The following SLC7A1 variants were observed in gnomAD, a reference collection of about 807,000 sequenced individuals.
The protein encoded by SLC7A1 is high affinity cationic amino acid transporter 1.
A neutral mutation model predicts 53.9 loss-of-function variants in SLC7A1; 10 were observed. That is an observed-to-expected ratio of 0.19 (90% CI 0.11 to 0.31). The LOEUF (loss-of-function observed/expected upper bound fraction) is 0.31, where lower values mean the gene tolerates loss of function less well. Among genes scored for constraint, SLC7A1 ranks in the 10% least tolerant of loss-of-function variants. SLC7A1 has a pLI of 1.00. For missense variants in SLC7A1, 525 were observed against 827.2 expected (o/e 0.63, Z 4.48); for synonymous variants, 342 against 338.7 (o/e 1.01, Z -0.11).
At chr13:29,530,437 T>C (rs1869094471) in intron 5 of SLC7A1, 101 bp downstream of exon 5, 2 of 1,031,066 alleles carry the variant, frequency 1.9e-6, no homozygotes, top group Non-Finnish European at 2.9e-6. Flanking sequence ...CCTCAAATAA[T>C]GTTTTCTTAA....
chr13:29,551,095 G>A (rs1870160976), intron 2 of SLC7A1, among the ~76,000 whole-genome samples: 1 of 152,132 alleles, frequency 6.6e-6, no homozygotes, highest in Admixed American at 6.5e-5. Context: ...TAAAAATTGG[G>A]TGATCTTCCT....
intron 1 of SLC7A1, among the ~76,000 whole-genome samples, chr13:29,574,514 C>G (rs617892): frequency 3.9e-5 from 6 of 152,274 alleles, no homozygotes; most frequent in African/African-American, 1.4e-4. Flanking sequence ...CTGTGGAACA[C>G]ATGAATACAT....
chr13:29,526,983 C>T (rs1300292512), intron 5 of SLC7A1, among the ~76,000 whole-genome samples: 4 of 151,900 alleles, frequency 2.6e-5, no homozygotes, highest in African/African-American at 7.3e-5. Context: ...TGCGCCGCTA[C>T]ACCTGACCTC....
At chr13:29,568,457 T>C (rs1871059449) in intron 1 of SLC7A1, among the ~76,000 whole-genome samples, 1 of 152,218 alleles carries the variant, frequency 6.6e-6, no homozygotes, top group Non-Finnish European at 1.5e-5. Context: ...CCCGCGTAGC[T>C]ACAACTATGG....
chr13:29,565,349 G>T (rs1480159330), intron 1 of SLC7A1, among the ~76,000 whole-genome samples: 1 of 152,206 alleles, frequency 6.6e-6, no homozygotes, highest in East Asian at 1.9e-4. Flanking sequence ...AGCAGAGAGA[G>T]AAAGGAGGCC....
chr13:29,553,637 G>A (rs894823734), intron 2 of SLC7A1, 124 bp downstream of exon 2: 1 of 152,230 alleles, frequency 6.6e-6, no homozygotes, highest in African/African-American at 2.4e-5. Context: ...GAAGACAACT[G>A]GGGGTTTTAG....
At chr13:29,579,958 T>C (rs1871572934) in intron 1 of SLC7A1, among the ~76,000 whole-genome samples, 1 of 152,200 alleles carries the variant, frequency 6.6e-6, no homozygotes, top group South Asian at 2.1e-4. Context: ...CTACTAGATC[T>C]GATCGTGGTT....
At chr13:29,533,798 T>A (rs1015066693) in intron 3 of SLC7A1, among the ~76,000 whole-genome samples, 2 of 152,204 alleles carry the variant, frequency 1.3e-5, no homozygotes, top group African/African-American at 4.8e-5. Flanking sequence ...GGTGTCAGAA[T>A]GTGTTTCCAT....
chr13:29,567,642 G>A (rs1037829262), intron 1 of SLC7A1, among the ~76,000 whole-genome samples: 10 of 152,152 alleles, frequency 6.6e-5, no homozygotes, highest in Non-Finnish European at 1.2e-4. Context: ...AAGCTGCTGG[G>A]TACAACTCCC....
At position 29,530,570 on chromosome 13, in the gene SLC7A1, A is replaced by C. The variant is rs1593546975; in HGVS notation, c.672T>G (p.Phe224Leu). 2 of 1,614,156 alleles carry C rather than the reference A, an allele frequency of 1.2e-6. No homozygotes were observed. Among genetic ancestry groups the C allele is most frequent in the Non-Finnish European group, 1.7e-6 (2 of 1,180,008 alleles). ...AACAGAGACGGCCTGATGTGTTCCC[A>C]AAATCCTCCTCCGTGAGCTGCCAGT... is the stretch of plus-strand genomic sequence containing the variant. ...VKNWQLTEED[F>L]GNTSGRLCLN... The change falls in exon 5 of 13, where the codon TTT becomes TTG. Residue 224 changes from phenylalanine to leucine, a missense_variant. By Grantham distance (22) the Phe-to-Leu change is conservative. Coordinates refer to ENST00000380752, the MANE Select transcript of SLC7A1 (RefSeq NM_003045.5).
intron 1 of SLC7A1, among the ~76,000 whole-genome samples, chr13:29,591,040 G>A (rs143882647): frequency 0.018 from 2,767 of 152,188 alleles, 75 homozygotes; most frequent in African/African-American, 0.064. Flanking sequence ...ATCCCAGGAG[G>A]TGGAGGCTAA....
chr13:29,573,044 C>T (rs541340437), intron 1 of SLC7A1, among the ~76,000 whole-genome samples: 6 of 152,192 alleles, frequency 3.9e-5, no homozygotes, highest in Admixed American at 2.6e-4. Context: ...ATAATCTATC[C>T]TGGAGAGAAT....
chr13:29,522,227 TCA>T, intron 8 of SLC7A1, 88 bp downstream of exon 8: 2 of 1,309,992 alleles, frequency 1.5e-6, no homozygotes. Context: ...TTAAGATTAC[TCA>T]CAGACCAGAA....
At position 29,509,644 on chromosome 13, in the gene SLC7A1, G is replaced by A. The variant is rs1016528344; in HGVS notation, c.*4836C>T. ...GACCCAGCAGAGACCAACCTGATTT[G>A]CAGTTAGCATCAGAATCTAAATCTA... On this transcript the variant is annotated 3_prime_UTR_variant, in exon 13 of 13. Coordinates refer to ENST00000380752, the MANE Select transcript of SLC7A1 (RefSeq NM_003045.5). 1 of 152,508 alleles carries A rather than the reference G, an allele frequency of 6.6e-6. No homozygotes were observed. Among genetic ancestry groups the A allele is most frequent in the Non-Finnish European group, 1.5e-5 (1 of 68,036 alleles). 9.4% of individuals were successfully genotyped at this position (152,508 alleles called of 1,614,324 possible).
intron 1 of SLC7A1, among the ~76,000 whole-genome samples, chr13:29,568,556 C>A (rs1871064452): frequency 2.0e-5 from 3 of 152,216 alleles, no homozygotes; most frequent in Admixed American, 2.0e-4. Context: ...ATGTGCATTC[C>A]CTAAAATCAC....
chr13:29,567,163 G>A (rs1016290284), intron 1 of SLC7A1, among the ~76,000 whole-genome samples: 9 of 152,120 alleles, frequency 5.9e-5, no homozygotes, highest in Admixed American at 2.0e-4. Context: ...GTTTTAATAC[G>A]CAGCTTAAAT....
At chr13:29,581,893 G>A (rs191724898) in intron 1 of SLC7A1, among the ~76,000 whole-genome samples, 5 of 152,324 alleles carry the variant, frequency 3.3e-5, no homozygotes, top group East Asian at 1.9e-4. Flanking sequence ...CTCCTTTAGC[G>A]GCAAAATACC....
intron 1 of SLC7A1, among the ~76,000 whole-genome samples, chr13:29,564,904 A>C (rs1870902583): frequency 6.6e-6 from 1 of 152,226 alleles, no homozygotes; most frequent in Non-Finnish European, 1.5e-5. Flanking sequence ...TTCCAGAAAT[A>C]CTTTCCCTCC....
chr13:29,514,422 C>A lies in SLC7A1; in HGVS notation c.*58G>T. On this transcript the variant is annotated 3_prime_UTR_variant, in exon 13 of 13. Transcript: ENST00000380752. ...CTGGTGGGGAGGGTGGGGTGCCTCC[C>A]GGTCCTCTGGGGGCGTCCCTCGGGG... The A allele has an allele frequency of 7.5e-7, 1 of 1,329,080 alleles. No individual in the cohort carries two copies. Among genetic ancestry groups the A allele is most frequent in the South Asian group, 1.2e-5 (1 of 84,076 alleles). The allele number at this position is 1,329,080 out of a possible 1,614,324, so 82.3% of individuals were successfully genotyped here.
Sources: allele counts gnomAD v4.1 joint callset (sites outside exome capture counted in the v4.1 genomes callset), GRCh38; gene constraint gnomAD v4.1.1; transcripts MANE v1.5; gene names NCBI Gene and HGNC (gene_info 2026-07-23, HGNC 2026-07-21).